STXBP4: variants seen among roughly 807,000 people sequenced by gnomAD.
STXBP4 encodes syntaxin-binding protein 4.
A neutral mutation model predicts 76.1 loss-of-function variants in STXBP4; 55 were observed. That is an observed-to-expected ratio of 0.72 (90% CI 0.58 to 0.91). STXBP4 has a LOEUF of 0.91. STXBP4 is among the 40% of genes least tolerant of loss of function. The pLI is 0.00. For synonymous variants in STXBP4, 201 were observed against 220.2 expected, an observed-to-expected ratio of 0.91 and a Z score of 0.77; for missense variants, 618 against 636.9, an observed-to-expected ratio of 0.97 and a Z score of 0.32.
At chr17:55,143,747 C>T (rs1324256503) in intron 17 of STXBP4, among the ~76,000 whole-genome samples, 1 of 152,082 alleles carries the variant, frequency 6.6e-6, no homozygotes, top group African/African-American at 2.4e-5. Context: ...TTGCTTTGCT[C>T]GGAAAATATA....
chr17:55,147,382 C>T (rs1331880942), intron 17 of STXBP4, among the ~76,000 whole-genome samples: 1 of 152,232 alleles, frequency 6.6e-6, no homozygotes, highest in East Asian at 1.9e-4. Flanking sequence ...AGAGGCAGAG[C>T]TCAGGCAGTA....
At chr17:55,069,096 G>A (rs1484071651) in intron 12 of STXBP4, among the ~76,000 whole-genome samples, 1 of 134,992 alleles carries the variant, frequency 7.4e-6, no homozygotes, top group Non-Finnish European at 1.6e-5. Flanking sequence ...TCGTGAGGCA[G>A]AAAAACCTCA....
intron 8 of STXBP4, among the ~76,000 whole-genome samples, chr17:55,029,028 A>G (rs2078461797): frequency 6.7e-6 from 1 of 150,062 alleles, no homozygotes; most frequent in Non-Finnish European, 1.5e-5. Context: ...TTACAAAGAG[A>G]CATGTATAAT....
the STXBP4 span, among the ~76,000 whole-genome samples, chr17:55,197,370 C>G: frequency 6.6e-6 from 1 of 152,178 alleles, no homozygotes; most frequent in Non-Finnish European, 1.5e-5. Context: ...AGGACATTTC[C>G]CCACATTGGG....
Position 55,065,456 on chromosome 17 carries a change from A to G in STXBP4, c.1012-7444A>G, listed in dbSNP as rs890593089. Among the ~76,000 whole-genome samples the G allele has an allele frequency of 7.2e-5, 11 of 152,154 alleles. No individual in the cohort carries two copies. In the East Asian group the frequency reaches 2.1e-3, roughly 29 times the overall value. The stretch of plus-strand genomic sequence containing the variant: ...TCTGTTTTAAAGACAGATCTCCCTT[A>G]AGTCCCAAATTTCAGATGAATTCTA... On this transcript the variant is annotated intron_variant, in intron 12 of 17. Transcript: ENST00000376352.
intron 16 of STXBP4, among the ~76,000 whole-genome samples, chr17:55,097,584 A>C (rs2079507390): frequency 6.6e-6 from 1 of 151,360 alleles, no homozygotes; most frequent in African/African-American, 2.4e-5. Context: ...AATGGCATGA[A>C]CCCGGGAGGC....
chr17:54,972,752 G>C (rs1462386687), intron 1 of STXBP4, among the ~76,000 whole-genome samples: 1 of 152,184 alleles, frequency 6.6e-6, no homozygotes, highest in African/African-American at 2.4e-5. Context: ...GCCTCTCTCA[G>C]CAGAGACCCT....
At chr17:55,130,397 T>A (rs1435971083) in intron 16 of STXBP4, among the ~76,000 whole-genome samples, 2 of 152,230 alleles carry the variant, frequency 1.3e-5, no homozygotes, top group East Asian at 3.8e-4. Context: ...TTATCTTTTT[T>A]AATTGACAAA....
the STXBP4 span, among the ~76,000 whole-genome samples, chr17:55,193,558 T>G: frequency 6.6e-6 from 1 of 151,750 alleles, no homozygotes; most frequent in East Asian, 1.9e-4. Context: ...GGCAGTAAAA[T>G]ACAAGGAGAA....
At chr17:54,976,636 G>A (rs1014755427) in intron 1 of STXBP4, among the ~76,000 whole-genome samples, 21 of 152,114 alleles carry the variant, frequency 1.4e-4, no homozygotes, top group African/African-American at 5.1e-4. Context: ...GTGAGTGGAG[G>A]GCAAGTGGGC....
intron 12 of STXBP4, among the ~76,000 whole-genome samples, chr17:55,062,006 G>A (rs2078999978): frequency 6.6e-6 from 1 of 152,080 alleles, no homozygotes; most frequent in Non-Finnish European, 1.5e-5. Flanking sequence ...AGGCCAAAGT[G>A]GGAGGATTGC....
chr17:55,156,125 C>A (rs945346947), intron 17 of STXBP4, among the ~76,000 whole-genome samples: 1 of 152,140 alleles, frequency 6.6e-6, no homozygotes, highest in African/African-American at 2.4e-5. Flanking sequence ...ACTGTTTGTT[C>A]AAATGGAAAA....
intron 17 of STXBP4, among the ~76,000 whole-genome samples, chr17:55,143,350 C>T (rs2080115053): frequency 6.6e-6 from 1 of 152,202 alleles, no homozygotes; most frequent in Admixed American, 6.5e-5. Context: ...TTTGAAATGT[C>T]AGTAAATGAG....
At chr17:55,151,510 G>T (rs1321119557) in intron 17 of STXBP4, among the ~76,000 whole-genome samples, 1 of 152,158 alleles carries the variant, frequency 6.6e-6, no homozygotes, top group Non-Finnish European at 1.5e-5. Context: ...CTTTGATCAT[G>T]CCTGCACTTT....
chr17:55,095,353 AC>A (rs1239488953), intron 16 of STXBP4, among the ~76,000 whole-genome samples: 1 of 152,220 alleles, frequency 6.6e-6, no homozygotes, highest in African/African-American at 2.4e-5. Flanking sequence ...AACTGGACAA[AC>A]AAAATGTAAA....
intron 17 of STXBP4, among the ~76,000 whole-genome samples, chr17:55,151,137 T>C (rs565545265): frequency 6.6e-6 from 1 of 152,320 alleles, no homozygotes; most frequent in East Asian, 1.9e-4. Flanking sequence ...GTGGGACTTC[T>C]GAATTACACA....
rs183660055 is a variant in STXBP4, at chr17:55,103,813, T to G, written c.1489+22630T>G. 3.8e-3 allele frequency among the ~76,000 whole-genome samples: 583 copies of G among 152,224 alleles called. 3 individuals carry two copies. Among genetic ancestry groups the G allele is most frequent in the African/African-American group, 0.014 (568 of 41,542 alleles). On this transcript the variant is annotated intron_variant, in intron 16 of 17. Transcript: ENST00000376352. ...TGTGTCCTCTAATTTCCTTGAGCAGTTTGTAGTTTTCCTTGAACAGGCCCT... is the reference window on the plus strand; with the variant it reads ...TGTGTCCTCTAATTTCCTTGAGCAGGTTGTAGTTTTCCTTGAACAGGCCCT...
intron 3 of STXBP4, 101 bp from the exon 4 acceptor site, chr17:54,990,724 G>A (rs2077701855): frequency 2.2e-6 from 3 of 1,383,982 alleles, no homozygotes; most frequent in Non-Finnish European, 2.9e-6. Context: ...GTGAGGGGTT[G>A]CTGCTCTAGA....
intron 1 of STXBP4, among the ~76,000 whole-genome samples, chr17:54,971,121 C>T (rs2077393684): frequency 6.6e-6 from 1 of 152,134 alleles, no homozygotes; most frequent in African/African-American, 2.4e-5. Context: ...ATACCCTTCA[C>T]CAAGATTAGA....
Sources: gnomAD v4.1 joint callset for allele counts (sites outside exome capture counted in the v4.1 genomes callset) on GRCh38, gnomAD v4.1.1 for gene constraint, MANE v1.5 for transcripts, NCBI Gene and HGNC (gene_info 2026-07-23, HGNC 2026-07-21) for gene names.